LHFPL1: variants seen among roughly 807,000 people sequenced by gnomAD.
LHFPL1 encodes the protein LHFPL tetraspan subfamily member 1 protein.
LHFPL1 carries 4 observed loss-of-function variants against 12.1 expected under a neutral mutation model. The observed-to-expected ratio is 0.33, with a 90% CI of 0.16 to 0.76. LHFPL1 has a LOEUF of 0.76. LHFPL1 is among the 30% of genes least tolerant of loss of function. The pLI, the probability that LHFPL1 is intolerant of heterozygous loss-of-function variation, is 0.61. For missense variants in LHFPL1, 141 were observed against 174.1 expected (o/e 0.81, Z 1.07); for synonymous variants, 52 against 61.9 (o/e 0.84, Z 0.75).
intron 3 of LHFPL1, chrX:112,648,637 A>G (rs1203599436): frequency 8.9e-6 from 1 of 111,886 alleles, no homozygotes; most frequent in Non-Finnish European, 1.9e-5. Flanking sequence ...AAACAAACTC[A>G]CAAAGCTGTG....
intron 3 of LHFPL1, 21 bp downstream of exon 3, chrX:112,660,606 C>A (rs1184959633): frequency 8.6e-7 from 1 of 1,162,098 alleles, no homozygotes; most frequent in Non-Finnish European, 1.2e-6. Context: ...CCATCACTGC[C>A]ATCTGCCCAG....
At chrX:112,661,933 C>A (rs1931200370) in intron 2 of LHFPL1, among the ~76,000 whole-genome samples, 1 of 112,001 alleles carries the variant, frequency 8.9e-6, no homozygotes. Flanking sequence ...ATAAGCTGAG[C>A]AAACTGATTG....
intron 3 of LHFPL1, among the ~76,000 whole-genome samples, chrX:112,640,094 T>C (rs1013111743): frequency 9.0e-6 from 1 of 111,276 alleles, no homozygotes; most frequent in African/African-American, 3.3e-5. Context: ...ATAGCTAATA[T>C]TGGTTAAATG....
chrX:112,648,243 C>T (rs997796283), intron 3 of LHFPL1, among the ~76,000 whole-genome samples: 7 of 110,760 alleles, frequency 6.3e-5, no homozygotes, highest in Non-Finnish European at 1.3e-4. Context: ...TTGATGGGTG[C>T]GGCAAACCAC....
At chrX:112,654,186 A>G (rs1930931585) in intron 3 of LHFPL1, among the ~76,000 whole-genome samples, 1 of 112,469 alleles carries the variant, frequency 8.9e-6, no homozygotes, top group South Asian at 3.6e-4. Context: ...GTTCCCTGAA[A>G]TATGTTTTGG....
chrX:112,674,578 TCAAA>T (rs201177494), intron 1 of LHFPL1, among the ~76,000 whole-genome samples: 6,173 of 104,640 alleles, frequency 0.059, 165 homozygotes, highest in Middle Eastern at 0.095. Context: ...TACAACGAAC[TCAAA>T]CAAATCAGTA....
chrX:112,676,695 A>C (rs1931663530), intron 1 of LHFPL1, among the ~76,000 whole-genome samples: 1 of 112,118 alleles, frequency 8.9e-6, no homozygotes, highest in Non-Finnish European at 1.9e-5. Context: ...ACCCACCTAA[A>C]CCATACATGG....
chrX:112,643,378 C>CAA (rs1164744066), intron 3 of LHFPL1, among the ~76,000 whole-genome samples: 9,781 of 38,617 alleles, frequency 0.25, 917 homozygotes, highest in African/African-American at 0.34. Context: ...GACTCCGTCT[C>CAA]AAAAAAAAAA....
At chrX:112,633,385 G>A (rs1209966585) in intron 3 of LHFPL1, among the ~76,000 whole-genome samples, 2 of 112,385 alleles carry the variant, frequency 1.8e-5, no homozygotes, top group Non-Finnish European at 3.8e-5. Flanking sequence ...TGTACTTTAA[G>A]GCTTATGCAC....
intron 3 of LHFPL1, among the ~76,000 whole-genome samples, chrX:112,635,516 C>T (rs1466780313): frequency 1.8e-5 from 2 of 112,774 alleles, no homozygotes; most frequent in Non-Finnish European, 3.7e-5. Flanking sequence ...AATTACTTCA[C>T]CTTTCTGGAC....
intron 1 of LHFPL1, among the ~76,000 whole-genome samples, chrX:112,675,305 G>A (rs1057207684): frequency 1.2e-4 from 13 of 111,037 alleles, no homozygotes; most frequent in Non-Finnish European, 2.5e-4. Context: ...ATAACAACCA[G>A]TAGGAGGGGC....
chrX:112,674,336 A>G (rs1439670843), intron 1 of LHFPL1, among the ~76,000 whole-genome samples: 1 of 112,071 alleles, frequency 8.9e-6, no homozygotes, highest in African/African-American at 3.2e-5. Flanking sequence ...AACCATAAAG[A>G]TTCTAGAAGA....
intron 3 of LHFPL1, among the ~76,000 whole-genome samples, chrX:112,660,251 T>C (rs1931138756): frequency 1.8e-5 from 2 of 112,197 alleles, no homozygotes; most frequent in South Asian, 7.4e-4. Context: ...TGTTACATCT[T>C]CAGTGGAGAT....
At chrX:112,663,919 T>A (rs912966676) in intron 2 of LHFPL1, among the ~76,000 whole-genome samples, 1 of 111,976 alleles carries the variant, frequency 8.9e-6, no homozygotes, top group Non-Finnish European at 1.9e-5. Context: ...CTGTGCCTCA[T>A]TCACCTCATC....
At chrX:112,642,091 G>A (rs900400823) in intron 3 of LHFPL1, among the ~76,000 whole-genome samples, 1 of 109,784 alleles carries the variant, frequency 9.1e-6, no homozygotes, top group East Asian at 3.0e-4. Flanking sequence ...CTCTAGCCTC[G>A]CCAGGGAATT....
chrX:112,631,274 G>C lies in LHFPL1; in HGVS notation c.*146C>G, dbSNP rs373940569. ...CAGTGACCTACTGGCTTAAAGATAA[G>C]TGAAAATGAACGACAATTAGTTTAA... On this transcript the variant is annotated 3_prime_UTR_variant, in exon 4 of 4. Transcript: ENST00000371968. 21 of 455,817 alleles carry C rather than the reference G, an allele frequency of 4.6e-5. No individual in the cohort carries two copies. Among genetic ancestry groups the C allele is most frequent in the African/African-American group, 3.7e-4 (15 of 40,999 alleles). 37.6% of individuals were successfully genotyped at this position (455,817 alleles called of 1,213,427 possible). A position where few individuals can be genotyped will look rare whatever the true frequency, so the allele number is the denominator to read the frequency against.
Position 112,660,669 on chromosome X carries a change from T to A in LHFPL1, c.439A>T (p.Ile147Leu), listed in dbSNP as rs1235178110. 1 of 1,211,349 alleles carries A rather than the reference T, an allele frequency of 8.3e-7. No homozygotes were observed. The highest frequency in any genetic ancestry group is 1.8e-5 in the South Asian group (1 of 56,913). Reference protein sequence around the residue: ...LYPLGWNSPEIMQTCGNVSNQ... With the variant: ...LYPLGWNSPELMQTCGNVSNQ... ...GAGACATTCCCACATGTTTGCATTA[T>A]CTCCGGGCTATTCCATCCTAAAGGG... Residue 147 changes from isoleucine to leucine, a missense_variant, in exon 3 of 4, where the codon ATA becomes TTA. Ile to Leu is a conservative substitution (Grantham distance 5). Coordinates refer to ENST00000371968, the MANE Select transcript of LHFPL1 (RefSeq NM_178175.4).
In LHFPL1 at chrX:112,660,439, A is replaced by T. The variant is rs903670182; in HGVS notation, c.481+188T>A. Among the ~76,000 whole-genome samples the T allele has an allele frequency of 6.2e-5, 7 of 112,222 alleles. No individual in the cohort carries two copies. In the East Asian group the frequency reaches 2.0e-3, roughly 32 times the overall value. The stretch of plus-strand genomic sequence containing the variant: ...CCCCGGGCAAAACTGCATAAATTGT[A>T]TGGAGAGATAGTTAAAGAAGGGGAA... On this transcript the variant is annotated intron_variant, in intron 3 of 3. Transcript: ENST00000371968.
At chrX:112,650,444 G>C (rs895781670) in intron 3 of LHFPL1, among the ~76,000 whole-genome samples, 1 of 111,607 alleles carries the variant, frequency 9.0e-6, no homozygotes, top group African/African-American at 3.3e-5. Flanking sequence ...ACCAGTATCT[G>C]TAACTCCAAA....
Sources: gnomAD v4.1 joint callset for allele counts (sites outside exome capture counted in the v4.1 genomes callset) on GRCh38, gnomAD v4.1.1 for gene constraint, MANE v1.5 for transcripts, NCBI Gene and HGNC (gene_info 2026-07-23, HGNC 2026-07-21) for gene names.